ZNF236: variants seen among roughly 807,000 people sequenced by gnomAD.
ZNF236 encodes regulated by glucose.
A neutral mutation model predicts 191.2 loss-of-function variants in ZNF236; 50 were observed. The ratio of observed to expected loss-of-function variants is 0.26; its 90% CI spans 0.21 to 0.33. ZNF236 has a LOEUF of 0.33. Ranked by LOEUF, ZNF236 falls within the 10% of genes least tolerant of loss-of-function variation. ZNF236 has a pLI of 1.00. For synonymous variants in ZNF236, 907 were observed against 928.8 expected, an observed-to-expected ratio of 0.98 and a Z score of 0.43; for missense variants, 1,754 against 2,374.5, an observed-to-expected ratio of 0.74 and a Z score of 5.43.
At chr18:76,869,730 C>T (rs1976527509) in intron 4 of ZNF236, among the ~76,000 whole-genome samples, 1 of 152,116 alleles carries the variant, frequency 6.6e-6, no homozygotes, top group Admixed American at 6.6e-5. Context: ...CCAGGGCAGG[C>T]GGATCACCTG....
chr18:76,839,884 A>G (rs553708954), intron 1 of ZNF236, among the ~76,000 whole-genome samples: 3 of 152,350 alleles, frequency 2.0e-5, no homozygotes, highest in Admixed American at 6.5e-5. Flanking sequence ...AAATTATGCT[A>G]TATATAGAAA....
chr18:76,904,682 A>G (rs1386440037), intron 12 of ZNF236, among the ~76,000 whole-genome samples, 161 bp downstream of exon 12: 1 of 152,206 alleles, frequency 6.6e-6, no homozygotes, highest in African/African-American at 2.4e-5. Flanking sequence ...TTTATTCTTT[A>G]ATGTCTTGAC....
In ZNF236 at chr18:76,968,382, G is replaced by T. The variant is rs780122013; in HGVS notation, c.*43G>T. 2 of 1,577,520 alleles carry T rather than the reference G, an allele frequency of 1.3e-6. No homozygotes were observed. Among genetic ancestry groups the T allele is most frequent in the Non-Finnish European group, 1.7e-6 (2 of 1,170,378 alleles). On this transcript the variant is annotated 3_prime_UTR_variant, in exon 31 of 31. Coordinates refer to ENST00000320610, the MANE Select transcript of ZNF236 (RefSeq NM_001306089.2). ...CCTTTAAGAATGTTTCTGAAGTTAC[G>T]TTTTGTGAAGAGCAAAGCACTTGGA...
At chr18:76,953,937 G>A (rs1294715760) in intron 27 of ZNF236, among the ~76,000 whole-genome samples, 1 of 152,082 alleles carries the variant, frequency 6.6e-6, no homozygotes, top group African/African-American at 2.4e-5. Context: ...GGACATACAC[G>A]CTCCTACCCT....
At position 76,880,746 on chromosome 18, in the gene ZNF236, G is replaced by A. The variant is rs187964989; in HGVS notation, c.1188+430G>A. ...GTGGGTGTGTGGGCAGCACCTGCAC[G>A]TGTGGGAGAGGAGGGGGGCAGGAGC... On this transcript the variant is annotated intron_variant, in intron 8 of 30. Coordinates refer to ENST00000320610, the MANE Select transcript of ZNF236 (RefSeq NM_001306089.2). The surrounding 1 kb of genome is among the most constrained non-coding windows in gnomAD (Gnocchi z 5.0). Among the ~76,000 whole-genome samples, 4 of 152,148 alleles carry A rather than the reference G, an allele frequency of 2.6e-5. No individual in the cohort carries two copies. Among genetic ancestry groups the A allele is most frequent in the Non-Finnish European group, 4.4e-5 (3 of 68,024 alleles).
chr18:76,852,445 A>G (rs1015827500), intron 3 of ZNF236, among the ~76,000 whole-genome samples: 1 of 152,172 alleles, frequency 6.6e-6, no homozygotes, highest in African/African-American at 2.4e-5. Context: ...TTTGAGGATG[A>G]CAGGCCACAG....
chr18:76,858,698 G>A lies in ZNF236; in HGVS notation c.363+6759G>A, dbSNP rs1976121966. On this transcript the variant is annotated intron_variant, in intron 3 of 30. Transcript: ENST00000320610. ...GCTGGAGGCGGGTGCAGGTGGAGGA[G>A]GAAGGGGGAGAGGGCTCAGCTGGAG... 2.8e-5 allele frequency among the ~76,000 whole-genome samples: 4 copies of A among 141,544 alleles called. No individual in the cohort carries two copies. The South Asian group carries it at 9.8e-4, about 35-fold the overall frequency. The allele number at this position is 141,544 out of a possible 152,430, so 92.9% of individuals were successfully genotyped here. A position where few individuals can be genotyped will look rare whatever the true frequency, so the allele number is the denominator to read the frequency against.
intron 10 of ZNF236, among the ~76,000 whole-genome samples, chr18:76,896,496 C>G (rs1053835462): frequency 1.3e-5 from 2 of 152,026 alleles, no homozygotes; most frequent in African/African-American, 4.8e-5. Context: ...AGCCTCAGTG[C>G]TGTACCCACA....
chr18:76,840,822 C>CT (rs1223768202), intron 1 of ZNF236: 1,093 of 65,680 alleles, frequency 0.017, 20 homozygotes, highest in Admixed American at 0.044. Flanking sequence ...TTCTTTCTTT[C>CT]TTTTTTTTTT....
rs1977296494 is a variant in ZNF236, at chr18:76,893,058, G to A, written c.1418-1955G>A. Among the ~76,000 whole-genome samples the A allele has an allele frequency of 2.6e-5, 4 of 152,142 alleles. No individual in the cohort carries two copies. In the South Asian group the frequency reaches 6.2e-4, roughly 24 times the overall value. ...GAGACAGCTTCAGGACTTCCAGTTC[G>A]TAGTCTCTGTTCTAGTCTATTCACA... On this transcript the variant is annotated intron_variant, in intron 9 of 30. Transcript: ENST00000320610.
At chr18:76,958,302 G>T (rs1378386859) in intron 28 of ZNF236, among the ~76,000 whole-genome samples, 1 of 152,208 alleles carries the variant, frequency 6.6e-6, no homozygotes, top group Non-Finnish European at 1.5e-5. Flanking sequence ...CGTAACCTCT[G>T]CCACAGGGTA....
chr18:76,956,431 C>T lies in ZNF236; in HGVS notation c.5112+249C>T, dbSNP rs751439457. ...ACAAACTGAAATAACATTGAAATGC[C>T]CTCTCTCCCTTGTCAGACTGGCAAA... On this transcript the variant is annotated intron_variant, in intron 28 of 30. Coordinates refer to ENST00000320610, the MANE Select transcript of ZNF236 (RefSeq NM_001306089.2). 3.2e-4 allele frequency among the ~76,000 whole-genome samples: 48 copies of T among 152,300 alleles called. 1 individual carries two copies. The highest frequency in any genetic ancestry group is 1.4e-3 in the Admixed American group (22 of 15,294).
chr18:76,880,017 C>T lies in ZNF236; in HGVS notation c.985-96C>T. 2 of 1,129,688 alleles carry T rather than the reference C, an allele frequency of 1.8e-6. No individual in the cohort carries two copies. Among genetic ancestry groups the T allele is most frequent in the Non-Finnish European group, 2.5e-6 (2 of 799,454 alleles). The allele number at this position is 1,129,688 out of a possible 1,614,324, so 70.0% of individuals were successfully genotyped here. A position where few individuals can be genotyped will look rare whatever the true frequency, so the allele number is the denominator to read the frequency against. On this transcript the variant is annotated intron_variant, in intron 7 of 30. Coordinates refer to ENST00000320610, the MANE Select transcript of ZNF236 (RefSeq NM_001306089.2). The surrounding 1 kb of genome is among the most constrained non-coding windows in gnomAD (Gnocchi z 5.0). Reference sequence around the variant, plus strand: ...TAGGATACTCTTAGATTTTAACACCCTTAAGGAGGGTATTGCCTGTTTTTT... The same window carrying T: ...TAGGATACTCTTAGATTTTAACACCTTTAAGGAGGGTATTGCCTGTTTTTT...
intron 19 of ZNF236, among the ~76,000 whole-genome samples, chr18:76,917,603 C>T (rs935126274): frequency 6.6e-6 from 1 of 152,184 alleles, no homozygotes; most frequent in Non-Finnish European, 1.5e-5. Context: ...GGGTTAAATT[C>T]CCTCACATTT....
At chr18:76,863,516 G>A (rs1389751502) in intron 3 of ZNF236, among the ~76,000 whole-genome samples, 2 of 152,058 alleles carry the variant, frequency 1.3e-5, no homozygotes, top group African/African-American at 4.8e-5. Context: ...TGCCTCCATG[G>A]AAGCTAAAAG....
At chr18:76,963,660 C>T (rs2122973758) in intron 30 of ZNF236, among the ~76,000 whole-genome samples, 1 of 152,232 alleles carries the variant, frequency 6.6e-6, no homozygotes, top group Admixed American at 6.5e-5. Flanking sequence ...ACCAATTCTC[C>T]TTTGAATGCC....
intron 20 of ZNF236, among the ~76,000 whole-genome samples, chr18:76,920,681 A>G (rs930003151): frequency 1.1e-4 from 17 of 152,212 alleles, no homozygotes; most frequent in African/African-American, 3.6e-4. Flanking sequence ...GTGGACAGGC[A>G]GAAGAGCAGC....
rs1207922622 is a variant in ZNF236 at position 76,936,057 on chromosome 18, G to A, written c.4595-1099G>A. The A allele has an allele frequency of 2.2e-5, 10 of 456,976 alleles. 1 individual carries two copies. Among genetic ancestry groups the A allele is most frequent in the East Asian group, 1.4e-4 (2 of 14,408 alleles). 28.3% of individuals were successfully genotyped at this position (456,976 alleles called of 1,614,324 possible). On this transcript the variant is annotated intron_variant, in intron 25 of 30. Coordinates refer to ENST00000320610, the MANE Select transcript of ZNF236 (RefSeq NM_001306089.2). ...GGCATTGTATTTGGAGAACTCCAGC[G>A]ACAAGTAAGTAACCTAGTTTTCCTG...
chr18:76,915,848 C>G lies in ZNF236; in HGVS notation c.3263C>G (p.Thr1088Arg). Residue 1088 changes from threonine to arginine, a missense_variant, in exon 19 of 31, where the codon ACA becomes AGA. Thr to Arg is a moderately conservative substitution (Grantham distance 71, BLOSUM62 -1). Coordinates refer to ENST00000320610, the MANE Select transcript of ZNF236 (RefSeq NM_001306089.2). ...TCTGCTGTGTCAGCCACTGGAGAGACAGAAGGAGGAGGTATTTTCCATTTG... is the reference window on the plus strand; with the variant it reads ...TCTGCTGTGTCAGCCACTGGAGAGAGAGAAGGAGGAGGTATTTTCCATTTG... ...VPSAVSATGE[T>R]EGGDICMEEE... The G allele has an allele frequency of 6.2e-7, 1 of 1,612,206 alleles. No individual in the cohort carries two copies. The highest frequency in any genetic ancestry group is 8.5e-7 in the Non-Finnish European group (1 of 1,178,318).
Sources: allele counts gnomAD v4.1 joint callset (sites outside exome capture counted in the v4.1 genomes callset), GRCh38; gene constraint gnomAD v4.1.1; non-coding constraint Gnocchi (gnomAD v3.1); transcripts MANE v1.5; gene names NCBI Gene and HGNC (gene_info 2026-07-23, HGNC 2026-07-21).